Variants in MYO9A observed in about 807,000 individuals in gnomAD.
MYO9A encodes myosin IXA, also known as unconventional myosin-IXa.
Under a neutral mutation model 293.3 loss-of-function variants are expected in MYO9A, and 103 were observed. That is an observed-to-expected ratio of 0.35 (90% CI 0.30 to 0.41). The LOEUF (loss-of-function observed/expected upper bound fraction) is 0.41, where lower values mean the gene tolerates loss of function less well. Ranked by LOEUF, MYO9A falls within the 10% of genes least tolerant of loss-of-function variation. The pLI is 1.00. For missense variants in MYO9A, 2,685 were observed against 3,033.0 expected (o/e 0.89, Z 2.69); for synonymous variants, 1,001 against 1,035.7 (o/e 0.97, Z 0.64).
At chr15:72,083,011 A>G (rs1311664269) in intron 1 of MYO9A, among the ~76,000 whole-genome samples, 1 of 151,560 alleles carries the variant, frequency 6.6e-6, no homozygotes, top group Admixed American at 6.6e-5. Context: ...CTAGGTTTTG[A>G]TATCAGGATG....
chr15:71,851,443 G>A, intron 36 of MYO9A, 85 bp from the exon 37 acceptor site: 2 of 1,077,480 alleles, frequency 1.9e-6, no homozygotes, highest in Non-Finnish European at 2.7e-6. Flanking sequence ...AAGCAAAGAA[G>A]GCTGGCTACA....
chr15:72,079,855 AAACT>A (rs796448595), intron 1 of MYO9A, among the ~76,000 whole-genome samples: 7 of 152,362 alleles, frequency 4.6e-5, no homozygotes, highest in African/African-American at 1.4e-4. Flanking sequence ...GCCTCAGCAT[AAACT>A]AACATTGGAG....
chr15:72,008,003 T>G, intron 7 of MYO9A, 51 bp from the exon 8 acceptor site: 1 of 1,553,478 alleles, frequency 6.4e-7, no homozygotes. Context: ...TTCCCAAAGC[T>G]CATTTCATTC....
At chr15:72,066,380 G>A (rs1159857703) in intron 1 of MYO9A, among the ~76,000 whole-genome samples, 2 of 152,066 alleles carry the variant, frequency 1.3e-5, no homozygotes, top group South Asian at 2.1e-4. Flanking sequence ...CAGCTACTCA[G>A]GAGGCTGAGG....
chr15:71,937,823 C>T (rs2058679132), intron 16 of MYO9A, among the ~76,000 whole-genome samples: 1 of 152,044 alleles, frequency 6.6e-6, no homozygotes, highest in Admixed American at 6.6e-5. Flanking sequence ...ATTGGGTTCC[C>T]ATCTGATGAC....
chr15:72,028,222 T>TATATATATATATATATATATATATAA (rs1566962912), intron 3 of MYO9A, among the ~76,000 whole-genome samples: 1 of 141,750 alleles, frequency 7.1e-6, no homozygotes, highest in African/African-American at 2.6e-5. Context: ...TAAATAAATA[T>TATATATATATATATATATATATATAA]ATATATATAT....
chr15:72,023,599 G>C (rs1476036274), intron 4 of MYO9A, among the ~76,000 whole-genome samples: 1 of 151,422 alleles, frequency 6.6e-6, no homozygotes, highest in African/African-American at 2.4e-5. Flanking sequence ...GGAGGCTGAG[G>C]CAGGAGAATC....
At position 71,898,809 on chromosome 15, in the gene MYO9A, T is replaced by G; in HGVS notation, c.3694A>C (p.Asn1232His). 2 of 1,614,168 alleles carry G rather than the reference T, an allele frequency of 1.2e-6. No individual in the cohort carries two copies. The highest frequency in any genetic ancestry group is 2.2e-5 in the South Asian group (2 of 91,088). ...SSVDCLKESP[N>H]KQQERAQSQS... ...CTTTGGGCTCTCTCCTGCTGCTTGT[T>G]TGGTGACTCCTTCAAGCAGTCCACT... The change falls in exon 25 of 42, where the codon AAC becomes CAC. Residue 1232 changes from asparagine to histidine, a missense_variant. Asn to His is a moderately conservative substitution (Grantham distance 68, BLOSUM62 1). Around this residue, in one of 10 missense-constraint regions of MYO9A, gnomAD observed 1,434 missense variants for 1,497.7 expected, o/e 0.96. Transcript: ENST00000356056.
intron 32 of MYO9A, among the ~76,000 whole-genome samples, chr15:71,864,339 G>T (rs146689298): frequency 6.6e-6 from 1 of 152,162 alleles, no homozygotes; most frequent in Non-Finnish European, 1.5e-5. Context: ...AGCAAATGTT[G>T]GTAAGAATGT....
chr15:71,834,981 TGTA>T (rs1488753557), intron 39 of MYO9A, among the ~76,000 whole-genome samples: 1 of 152,108 alleles, frequency 6.6e-6, no homozygotes, highest in African/African-American at 2.4e-5. Context: ...TACATTATAA[TGTA>T]GTAGTCTAAT....
chr15:72,101,150 G>A (rs1190401583), intron 1 of MYO9A, among the ~76,000 whole-genome samples: 63 of 134,830 alleles, frequency 4.7e-4, no homozygotes, highest in African/African-American at 6.6e-4. Context: ...CAGCCGCCCC[G>A]TCTGGGAGGT....
chr15:71,828,078 G>A lies in MYO9A; in HGVS notation c.7041-52C>T, dbSNP rs1323377462. 7.1e-6 allele frequency: 11 copies of A among 1,558,142 alleles called. No homozygotes were observed. The Admixed American group carries it at 8.2e-5, about 12-fold the overall frequency. ...AGCATTTGATAGGAAGTGGAAGGAA[G>A]ATAACAGAAAAAAAGATCCTCCATG... On this transcript the variant is annotated intron_variant, in intron 40 of 41. Transcript: ENST00000356056.
rs2054436969 is a variant in MYO9A, at chr15:71,825,398, T to TAACA, written c.*1178_*1181dup. The TAACA allele has an allele frequency of 6.6e-6, 1 of 152,214 alleles. No homozygotes were observed. Among genetic ancestry groups the TAACA allele is most frequent in the African/African-American group, 2.4e-5 (1 of 41,446 alleles). 9.4% of individuals were successfully genotyped at this position (152,214 alleles called of 1,614,324 possible). On this transcript the variant is annotated 3_prime_UTR_variant, in exon 42 of 42. Coordinates refer to ENST00000356056, the MANE Select transcript of MYO9A (RefSeq NM_006901.4). ...CAATAAACTTCAGTAACCAGAATAT[T>TAACA]AACAAAAATAGCTTCAAGTAGTCCT... is the stretch of plus-strand genomic sequence containing the variant.
At chr15:71,951,570 A>G (rs1008743355) in intron 15 of MYO9A, 2 of 493,902 alleles carry the variant, frequency 4.0e-6, no homozygotes, top group Non-Finnish European at 6.9e-6. Context: ...ATCACAGGCA[A>G]ACAGAAAAGT....
intron 32 of MYO9A, 92 bp downstream of exon 32, chr15:71,875,699 C>A: frequency 1.7e-6 from 1 of 597,420 alleles, no homozygotes; most frequent in Non-Finnish European, 2.6e-6. Flanking sequence ...AAACTTATTT[C>A]ATAAATATAT....
intron 39 of MYO9A, among the ~76,000 whole-genome samples, chr15:71,833,303 T>G (rs765610790): frequency 1.3e-5 from 2 of 151,914 alleles, no homozygotes; most frequent in Admixed American, 6.6e-5. Flanking sequence ...AAAAAAGACA[T>G]ACCATGCAAA....
chr15:72,025,758 T>C (rs955305386), intron 4 of MYO9A, among the ~76,000 whole-genome samples: 2 of 152,032 alleles, frequency 1.3e-5, no homozygotes, highest in East Asian at 3.9e-4. Flanking sequence ...AGACAGAAGA[T>C]GAACAAGAAA....
chr15:71,924,573 C>T (rs1195531909), intron 18 of MYO9A, among the ~76,000 whole-genome samples: 1 of 151,862 alleles, frequency 6.6e-6, no homozygotes, highest in Non-Finnish European at 1.5e-5. Context: ...CTTATTGAGA[C>T]TTGTTTTGTG....
At chr15:71,891,406 C>G (rs921927012) in intron 26 of MYO9A, 17 of 152,308 alleles carry the variant, frequency 1.1e-4, no homozygotes, top group Non-Finnish European at 1.6e-4. Flanking sequence ...ACAAAGGAAA[C>G]TCTCAGAAAC....
Sources: allele counts gnomAD v4.1 joint callset (sites outside exome capture counted in the v4.1 genomes callset), GRCh38; gene constraint gnomAD v4.1.1; regional missense constraint gnomAD v4.1.1; transcripts MANE v1.5; gene names NCBI Gene and HGNC (gene_info 2026-07-23, HGNC 2026-07-21).